The following DGLUCY variants were observed in gnomAD, a reference collection of about 807,000 sequenced individuals.
The protein encoded by DGLUCY is D-glutamate cyclase, also known as D-glutamate cyclase, mitochondrial.
DGLUCY carries 58 observed loss-of-function variants against 58.5 expected under a neutral mutation model. The ratio of observed to expected loss-of-function variants is 0.99; its 90% CI spans 0.80 to 1.23. The LOEUF (loss-of-function observed/expected upper bound fraction) is 1.23. Ranked by LOEUF, DGLUCY falls within the 50% of genes most tolerant of loss-of-function variation. The pLI, the probability that DGLUCY is intolerant of heterozygous loss-of-function variation, is 0.00. For missense variants in DGLUCY, 779 were observed against 784.7 expected, an observed-to-expected ratio of 0.99 and a Z score of 0.09; for synonymous variants, 325 against 314.1, an observed-to-expected ratio of 1.03 and a Z score of -0.37.
intron 1 of DGLUCY, among the ~76,000 whole-genome samples, chr14:91,130,378 G>A (rs1014229121): frequency 6.7e-6 from 1 of 150,256 alleles, no homozygotes; most frequent in Non-Finnish European, 1.5e-5. Flanking sequence ...TCAGCAACCA[G>A]CAACCTGCAA....
chr14:91,098,068 A>G (rs1029055335), intron 1 of DGLUCY, among the ~76,000 whole-genome samples: 2 of 152,234 alleles, frequency 1.3e-5, no homozygotes, highest in African/African-American at 2.4e-5. Flanking sequence ...GAGCTAGGAA[A>G]TGCCCCACAG....
intron 2 of DGLUCY, 79 bp from the exon 3 acceptor site, chr14:91,160,187 G>A (rs959435336): frequency 2.2e-5 from 19 of 871,080 alleles, no homozygotes; most frequent in African/African-American, 8.3e-5. Flanking sequence ...GATGTGGTAT[G>A]TGAAGCTATG....
intron 8 of DGLUCY, among the ~76,000 whole-genome samples, chr14:91,186,871 C>T (rs976152613): frequency 7.0e-6 from 1 of 142,434 alleles, no homozygotes; most frequent in East Asian, 1.9e-4. Flanking sequence ...AAAACTGAGG[C>T]TCAGAGAGGT....
At chr14:91,074,428 A>G (rs970639865) in intron 1 of DGLUCY, among the ~76,000 whole-genome samples, 1 of 151,756 alleles carries the variant, frequency 6.6e-6, no homozygotes, top group African/African-American at 2.4e-5. Flanking sequence ...GCAGTGAGCT[A>G]TGATGTGGTC....
In DGLUCY at chr14:91,215,640, G is replaced by A. The variant is rs545160797; in HGVS notation, c.1716+84G>A. 41 of 1,605,160 alleles carry A rather than the reference G, an allele frequency of 2.6e-5. 1 individual carries two copies. Among genetic ancestry groups the A allele is most frequent in the South Asian group, 1.6e-4 (14 of 90,148 alleles). On this transcript the variant is annotated intron_variant, in intron 13 of 13. Coordinates refer to ENST00000256324, the MANE Select transcript of DGLUCY (RefSeq NM_001102368.3). ...GGCCTGAGGTCCCAAGCCGTAAGCCGAGGGCTGGCACCCTGCTGCCCCTCA... is the reference window on the plus strand; with the variant it reads ...GGCCTGAGGTCCCAAGCCGTAAGCCAAGGGCTGGCACCCTGCTGCCCCTCA...
chr14:91,148,790 A>G (rs2140290237), intron 1 of DGLUCY: 1 of 152,132 alleles, frequency 6.6e-6, no homozygotes, highest in Middle Eastern at 3.4e-3. Flanking sequence ...CTACCAAAAA[A>G]ATACAGAAGT....
At chr14:91,201,497 C>G (rs2050558572) in intron 11 of DGLUCY, among the ~76,000 whole-genome samples, 1 of 152,086 alleles carries the variant, frequency 6.6e-6, no homozygotes, top group African/African-American at 2.4e-5. Context: ...TGGGGTTTCA[C>G]TATGTTGGCC....
At chr14:91,117,117 C>T (rs2045014259) in intron 1 of DGLUCY, among the ~76,000 whole-genome samples, 1 of 152,122 alleles carries the variant, frequency 6.6e-6, no homozygotes, top group South Asian at 2.1e-4. Context: ...CCTCTTTACA[C>T]AAAATAAGGT....
intron 1 of DGLUCY, chr14:91,125,605 T>A (rs1045431126): frequency 4.6e-5 from 7 of 152,264 alleles, no homozygotes; most frequent in African/African-American, 1.4e-4. Context: ...ACATTGTCCC[T>A]GTGTCTAGCA....
chr14:91,116,367 A>G (rs1566947091), intron 1 of DGLUCY, among the ~76,000 whole-genome samples: 1 of 152,200 alleles, frequency 6.6e-6, no homozygotes, highest in African/African-American at 2.4e-5. Flanking sequence ...AGGAAACAGA[A>G]TTGTAGAGAA....
intron 9 of DGLUCY, among the ~76,000 whole-genome samples, chr14:91,190,149 G>A (rs1190988993): frequency 8.6e-5 from 13 of 151,410 alleles, no homozygotes; most frequent in Non-Finnish European, 1.8e-4. Context: ...TACCACGCCC[G>A]GCTAATTTTT....
chr14:91,159,379 G>A (rs1181813262), intron 2 of DGLUCY, among the ~76,000 whole-genome samples: 4 of 152,084 alleles, frequency 2.6e-5, no homozygotes, highest in African/African-American at 7.2e-5. Flanking sequence ...GCCAGGAGGC[G>A]GAAGTTGCAC....
chr14:91,162,550 G>A (rs1252736662), intron 3 of DGLUCY, among the ~76,000 whole-genome samples: 3 of 152,092 alleles, frequency 2.0e-5, no homozygotes, highest in African/African-American at 7.2e-5. Context: ...TTCATCTCCA[G>A]CTGTGGAGAT....
intron 1 of DGLUCY, among the ~76,000 whole-genome samples, chr14:91,137,367 T>G (rs1300446152): frequency 6.6e-6 from 1 of 151,842 alleles, no homozygotes; most frequent in Non-Finnish European, 1.5e-5. Flanking sequence ...TGGCCTACTA[T>G]CAGAAAAGGT....
chr14:91,184,853 C>T (rs149716651), intron 8 of DGLUCY, among the ~76,000 whole-genome samples: 289 of 152,220 alleles, frequency 1.9e-3, no homozygotes, highest in African/African-American at 6.7e-3. Flanking sequence ...ATGTGGTTTC[C>T]TTTACATATA....
chr14:91,161,850 A>T (rs1304382029), intron 3 of DGLUCY, among the ~76,000 whole-genome samples: 2 of 150,862 alleles, frequency 1.3e-5, no homozygotes, highest in African/African-American at 4.9e-5. Context: ...AATGGCAAAA[A>T]CTGCAATTAC....
At chr14:91,178,304 A>G (rs1284589094) in intron 7 of DGLUCY, among the ~76,000 whole-genome samples, 7 of 152,002 alleles carry the variant, frequency 4.6e-5, no homozygotes, top group Non-Finnish European at 4.4e-5. Context: ...TAGCTGGACT[A>G]CAGGTATGCA....
intron 3 of DGLUCY, among the ~76,000 whole-genome samples, chr14:91,162,700 C>T (rs898218789): frequency 1.3e-5 from 2 of 152,094 alleles, no homozygotes; most frequent in Admixed American, 6.6e-5. Context: ...CATTCAAGAC[C>T]AGCCCGGCCA....
chr14:91,103,061 A>AC (rs999793385), upstream of DGLUCY, among the ~76,000 whole-genome samples: 1 of 150,372 alleles, frequency 6.7e-6, no homozygotes, highest in Non-Finnish European at 1.5e-5. Flanking sequence ...CGTGCCCGGC[A>AC]CCCCCTCCGT....
Sources: allele counts gnomAD v4.1 joint callset (sites outside exome capture counted in the v4.1 genomes callset), GRCh38; gene constraint gnomAD v4.1.1; transcripts MANE v1.5; gene names NCBI Gene and HGNC (gene_info 2026-07-23, HGNC 2026-07-21).